Variants in CTNNA2 observed in about 807,000 individuals in gnomAD.
The protein encoded by CTNNA2 is catenin alpha-2.
A neutral mutation model predicts 101.0 loss-of-function variants in CTNNA2; 42 were observed. The observed-to-expected ratio is 0.42, with a 90% CI of 0.32 to 0.54. The LOEUF is 0.54. Among genes scored for constraint, CTNNA2 ranks in the 20% least tolerant of loss-of-function variants. The pLI is 0.14. For synonymous variants in CTNNA2, 450 were observed against 456.4 expected (o/e 0.99, Z 0.18); for missense variants, 871 against 1,223.1 (o/e 0.71, Z 4.29).
chr2:80,449,143 G>T (rs931518839), intron 9 of CTNNA2, among the ~76,000 whole-genome samples: 1 of 152,118 alleles, frequency 6.6e-6, no homozygotes, highest in African/African-American at 2.4e-5. Flanking sequence ...CAGGTGCAGT[G>T]GTTTAGGCCT....
intron 3 of CTNNA2, among the ~76,000 whole-genome samples, chr2:79,789,299 A>G (rs898621907): frequency 1.3e-5 from 2 of 152,128 alleles, no homozygotes; most frequent in East Asian, 3.9e-4. Flanking sequence ...GAAAAAGCTG[A>G]GAGATTTGAG....
chr2:79,229,744 T>C (rs542533834), intron 2 of CTNNA2, among the ~76,000 whole-genome samples: 4 of 152,212 alleles, frequency 2.6e-5, no homozygotes, highest in Non-Finnish European at 5.9e-5. Flanking sequence ...TGGAATTTCC[T>C]AGAGACTTGT....
intron 3 of CTNNA2, among the ~76,000 whole-genome samples, chr2:79,831,541 AT>A (rs1678928314): frequency 6.6e-6 from 1 of 152,058 alleles, no homozygotes; most frequent in African/African-American, 2.4e-5. Context: ...CCTTCCCACA[AT>A]TTTGCCTTAA....
chr2:79,488,762 C>G (rs936800285), intron 4 of CTNNA2, among the ~76,000 whole-genome samples: 16 of 152,092 alleles, frequency 1.1e-4, no homozygotes, highest in African/African-American at 3.4e-4. Context: ...ATCTTAGGCT[C>G]TCCTCTCATG....
chr2:80,476,932 T>C (rs956458491), intron 9 of CTNNA2, among the ~76,000 whole-genome samples: 16 of 152,202 alleles, frequency 1.1e-4, no homozygotes, highest in Non-Finnish European at 1.9e-4. Flanking sequence ...GATTATCTGT[T>C]AATTTTAGAG....
intron 4 of CTNNA2, among the ~76,000 whole-genome samples, chr2:79,376,780 C>T (rs1677981213): frequency 1.3e-5 from 2 of 152,042 alleles, no homozygotes; most frequent in African/African-American, 2.4e-5. Context: ...ATGATGGTTT[C>T]CAGCTTCATA....
At chr2:79,198,929 G>A (rs778905781) in intron 2 of CTNNA2, among the ~76,000 whole-genome samples, 1 of 152,158 alleles carries the variant, frequency 6.6e-6, no homozygotes, top group Non-Finnish European at 1.5e-5. Context: ...GTTACAATCA[G>A]TGCAAAGGTG....
At chr2:80,453,338 G>T (rs1455620890) in intron 9 of CTNNA2, among the ~76,000 whole-genome samples, 2 of 151,386 alleles carry the variant, frequency 1.3e-5, no homozygotes, top group Non-Finnish European at 1.5e-5. Flanking sequence ...AACCCTGGAA[G>T]AACACAATGG....
At chr2:79,401,612 T>A (rs1678291133) in intron 4 of CTNNA2, among the ~76,000 whole-genome samples, 1 of 151,424 alleles carries the variant, frequency 6.6e-6, no homozygotes, top group Non-Finnish European at 1.5e-5. Flanking sequence ...AGAACAAATG[T>A]TAAAGTAAAT....
chr2:79,781,775 A>G (rs1674448104), intron 3 of CTNNA2, among the ~76,000 whole-genome samples: 1 of 152,184 alleles, frequency 6.6e-6, no homozygotes, highest in Non-Finnish European at 1.5e-5. Flanking sequence ...GTGTGTGTGT[A>G]AAATAACAAT....
intron 7 of CTNNA2, among the ~76,000 whole-genome samples, chr2:80,341,097 C>G (rs1249656407): frequency 6.6e-6 from 1 of 151,998 alleles, no homozygotes; most frequent in Non-Finnish European, 1.5e-5. Context: ...TGCACCTCCC[C>G]CAGAATGTGT....
intron 3 of CTNNA2, among the ~76,000 whole-genome samples, chr2:79,360,092 C>T (rs2104446064): frequency 6.6e-6 from 1 of 152,172 alleles, no homozygotes; most frequent in African/African-American, 2.4e-5. Context: ...AGTCAAGGGT[C>T]CTGAGACCAA....
At chr2:79,443,456 GA>G in intron 4 of CTNNA2, among the ~76,000 whole-genome samples, 1 of 152,160 alleles carries the variant, frequency 6.6e-6, no homozygotes, top group East Asian at 1.9e-4. Context: ...ACATTGGTGA[GA>G]GTGATTTTCT....
chr2:80,484,362 A>C (rs1307574630), intron 9 of CTNNA2, among the ~76,000 whole-genome samples: 1 of 152,212 alleles, frequency 6.6e-6, no homozygotes, highest in African/African-American at 2.4e-5. Flanking sequence ...TGTGCATTAG[A>C]GAGCTGTTGA....
chr2:79,404,318 T>A (rs948100679), intron 4 of CTNNA2, among the ~76,000 whole-genome samples: 16 of 152,016 alleles, frequency 1.1e-4, no homozygotes, highest in African/African-American at 3.6e-4. Context: ...TCTACTGTTT[T>A]TCTTGTCCCC....
chr2:80,211,931 A>C (rs1356927972), intron 7 of CTNNA2, among the ~76,000 whole-genome samples: 1 of 152,156 alleles, frequency 6.6e-6, no homozygotes, highest in African/African-American at 2.4e-5. Flanking sequence ...GAGGTCCTTC[A>C]TATCCCTTGT....
chr2:80,440,925 G>T (rs1426755084), intron 9 of CTNNA2, among the ~76,000 whole-genome samples: 1 of 152,108 alleles, frequency 6.6e-6, no homozygotes, highest in Non-Finnish European at 1.5e-5. Flanking sequence ...GAGTCCCAGG[G>T]TTACTTGGAA....
chr2:79,942,518 C>T (rs551063418), intron 7 of CTNNA2, among the ~76,000 whole-genome samples: 11 of 152,262 alleles, frequency 7.2e-5, no homozygotes, highest in African/African-American at 2.2e-4. Context: ...TAAAATATAG[C>T]GAGCCCTGAA....
chr2:79,828,989 T>C (rs1678660060), intron 3 of CTNNA2, among the ~76,000 whole-genome samples: 1 of 152,146 alleles, frequency 6.6e-6, no homozygotes, highest in Non-Finnish European at 1.5e-5. Flanking sequence ...CTTAGTTGAG[T>C]CTTTCCTTGG....
Sources: gnomAD v4.1 joint callset for allele counts (sites outside exome capture counted in the v4.1 genomes callset) on GRCh38, gnomAD v4.1.1 for gene constraint, MANE v1.5 for transcripts, NCBI Gene and HGNC (gene_info 2026-07-23, HGNC 2026-07-21) for gene names.